The following TRPM7 variants were observed in gnomAD, a reference collection of about 807,000 sequenced individuals.
TRPM7 encodes the protein LTRPC ion channel family member 7.
A neutral mutation model predicts 229.7 loss-of-function variants in TRPM7; 134 were observed. The ratio of observed to expected loss-of-function variants is 0.58; its 90% CI spans 0.51 to 0.67. The LOEUF (loss-of-function observed/expected upper bound fraction) is 0.67, where lower values mean the gene tolerates loss of function less well. Among genes scored for constraint, TRPM7 ranks in the 30% least tolerant of loss-of-function variants. TRPM7 has a pLI of 0.00. For synonymous variants in TRPM7, 699 were observed against 715.2 expected (o/e 0.98, Z 0.36); for missense variants, 1,901 against 2,210.0 (o/e 0.86, Z 2.80).
intron 7 of TRPM7, among the ~76,000 whole-genome samples, chr15:50,636,324 G>A (rs1208944419): frequency 2.0e-5 from 3 of 151,862 alleles, no homozygotes; most frequent in Non-Finnish European, 4.4e-5. Flanking sequence ...CCAAGAAGCT[G>A]GGACTACAAG....
rs755129972 is a variant in TRPM7 at position 50,613,692 on chromosome 15, T to A, written c.1770+15A>T. Reference sequence around the variant, plus strand: ...AAATAAAAACCCAGAAAGAATAATATTTAAATAAATTTACCTTTGGTCGGT... The same window carrying A: ...AAATAAAAACCCAGAAAGAATAATAATTAAATAAATTTACCTTTGGTCGGT... On this transcript the variant is annotated intron_variant, in intron 15 of 38. Transcript: ENST00000646667. 6.0e-6 allele frequency: 9 copies of A among 1,510,018 alleles called. No homozygotes were observed. Among genetic ancestry groups the A allele is most frequent in the Non-Finnish European group, 7.9e-6 (9 of 1,134,338 alleles). 93.5% of individuals were successfully genotyped at this position (1,510,018 alleles called of 1,614,324 possible). A position where few individuals can be genotyped will look rare whatever the true frequency, so the allele number is the denominator to read the frequency against.
At chr15:50,615,364 G>T (rs2060196194) in intron 13 of TRPM7, among the ~76,000 whole-genome samples, 1 of 151,856 alleles carries the variant, frequency 6.6e-6, no homozygotes, top group African/African-American at 2.4e-5. Flanking sequence ...TTTTTATAGT[G>T]TTGTCCAGGA....
intron 19 of TRPM7, among the ~76,000 whole-genome samples, chr15:50,607,607 T>A (rs1348216146): frequency 6.6e-6 from 1 of 152,178 alleles, no homozygotes; most frequent in East Asian, 1.9e-4. Context: ...CAGGTTTATG[T>A]TCTCAGCATA....
At chr15:50,624,498 G>A (rs755687541) in intron 11 of TRPM7, among the ~76,000 whole-genome samples, 198 bp from the exon 12 acceptor site, 17 of 152,110 alleles carry the variant, frequency 1.1e-4, no homozygotes, top group Admixed American at 2.0e-4. Context: ...CTAGAACAAC[G>A]TTTCTTAAAG....
chr15:50,604,665 TC>T lies in TRPM7; in HGVS notation c.2988+200del, dbSNP rs1232390927. 29 of 467,338 alleles carry T rather than the reference TC, an allele frequency of 6.2e-5. No individual in the cohort carries two copies. The South Asian group carries it at 1.1e-3, about 18-fold the overall frequency. The allele number at this position is 467,338 out of a possible 1,614,324, so 28.9% of individuals were successfully genotyped here. ...ACCATAGATGGTATAGCTAACATTA[TC>T]TTGCAAAGCACTAAATGGGTATAGG... On this transcript the variant is annotated intron_variant, in intron 21 of 38. Coordinates refer to ENST00000646667, the MANE Select transcript of TRPM7 (RefSeq NM_017672.6).
Position 50,640,563 on chromosome 15 carries a change from G to A in TRPM7, c.536-1015C>T, listed in dbSNP as rs572040407. On this transcript the variant is annotated intron_variant, in intron 5 of 38. Transcript: ENST00000646667. ...AGCCTCCCAAAGTGCTGGGATTATA[G>A]GCATGAACCACCATGCCTGGCCCAT... 5.9e-5 allele frequency among the ~76,000 whole-genome samples: 9 copies of A among 151,494 alleles called. No individual in the cohort carries two copies. In the South Asian group the frequency reaches 1.9e-3, roughly 31 times the overall value.
intron 23 of TRPM7, among the ~76,000 whole-genome samples, chr15:50,595,655 GT>G (rs1238355253): frequency 6.6e-6 from 1 of 152,064 alleles, no homozygotes; most frequent in Non-Finnish European, 1.5e-5. Context: ...GAGGCCAGGA[GT>G]TTGAGTCCAG....
intron 31 of TRPM7, 91 bp downstream of exon 31, chr15:50,578,548 A>C (rs2054247191): frequency 3.7e-6 from 5 of 1,334,352 alleles, no homozygotes; most frequent in Non-Finnish European, 5.3e-6. Flanking sequence ...TTGAAGTCTA[A>C]AATATCTTAC....
intron 1 of TRPM7, among the ~76,000 whole-genome samples, chr15:50,681,834 G>C (rs1458299211): frequency 6.6e-6 from 1 of 152,112 alleles, no homozygotes; most frequent in Non-Finnish European, 1.5e-5. Flanking sequence ...TTGCTCCTTA[G>C]GTCAAGTAGG....
At chr15:50,571,687 T>C (rs1011925741) in intron 36 of TRPM7, among the ~76,000 whole-genome samples, 10 of 151,748 alleles carry the variant, frequency 6.6e-5, no homozygotes, top group Non-Finnish European at 1.2e-4. Flanking sequence ...TTCACAGAAG[T>C]AGAGAAATAA....
rs1005997644 is a variant in TRPM7 at position 50,681,259 on chromosome 15, A to G, written c.3+5272T>C. On this transcript the variant is annotated intron_variant, in intron 1 of 38. Transcript: ENST00000646667. ...GAGCAAGACTTCGTCTCAAAAATAA[A>G]TAAATACACACACACACACACACAC... Among the ~76,000 whole-genome samples the G allele has an allele frequency of 2.4e-4, 27 of 112,898 alleles. 1 individual carries two copies. The highest frequency in any genetic ancestry group is 2.2e-4 in the Admixed American group (2 of 9,230). 74.1% of individuals were successfully genotyped at this position (112,898 alleles called of 152,430 possible). A position where few individuals can be genotyped will look rare whatever the true frequency, so the allele number is the denominator to read the frequency against.
In TRPM7 at chr15:50,592,020, T is replaced by C. The variant is rs1235531386; in HGVS notation, c.4215A>G (p.Thr1405=). ...GGCTTTTGCAACTTGGCTGAGATGG[T>C]GTACTAACAAAAAATTTGGTTGGTG... ...SSPPTKFFVS[T]PSQPSCKSHL... Residue 1405 remains threonine (T), a synonymous_variant, in exon 26 of 39, where the codon ACA becomes ACG. Transcript: ENST00000646667. 6.2e-7 allele frequency: 1 copy of C among 1,613,406 alleles called. No homozygotes were observed.
At position 50,577,984 on chromosome 15, in the gene TRPM7, TTA is replaced by T. The variant is rs200626680; in HGVS notation, c.4618+653_4618+654del. Among the ~76,000 whole-genome samples the T allele has an allele frequency of 2.5e-3, 388 of 152,254 alleles. 6 individuals carry two copies. The highest frequency in any genetic ancestry group is 0.023 in the Admixed American group (354 of 15,282). On this transcript the variant is annotated intron_variant, in intron 31 of 38. Coordinates refer to ENST00000646667, the MANE Select transcript of TRPM7 (RefSeq NM_017672.6). ...AACAGTATATACTGTACAATTTCAT[TTA>T]TATAGCCAATATGCACATACATGCA...
intron 27 of TRPM7, among the ~76,000 whole-genome samples, chr15:50,587,757 G>A (rs1450834940): frequency 6.6e-6 from 1 of 152,124 alleles, no homozygotes; most frequent in South Asian, 2.1e-4. Context: ...AAAATGTGAT[G>A]AACTTAGGTT....
At chr15:50,676,632 C>T (rs1273117720) in intron 1 of TRPM7, among the ~76,000 whole-genome samples, 1 of 151,874 alleles carries the variant, frequency 6.6e-6, no homozygotes, top group African/African-American at 2.4e-5. Context: ...AAGCAGAAAC[C>T]AGACGGAGTC....
At chr15:50,594,288 T>C in intron 24 of TRPM7, 141 bp downstream of exon 24, 1 of 677,632 alleles carries the variant, frequency 1.5e-6, no homozygotes, top group Non-Finnish European at 2.4e-6. Context: ...TAAAAATTCC[T>C]TTATGTACAG....
Position 50,662,486 on chromosome 15 carries a change from T to C in TRPM7, c.83+481A>G, listed in dbSNP as rs558749140. Among the ~76,000 whole-genome samples, 130 of 152,316 alleles carry C rather than the reference T, an allele frequency of 8.5e-4. 1 individual carries two copies. Among genetic ancestry groups the C allele is most frequent in the South Asian group, 1.7e-3 (8 of 4,830 alleles). On this transcript the variant is annotated intron_variant, in intron 2 of 38. Coordinates refer to ENST00000646667, the MANE Select transcript of TRPM7 (RefSeq NM_017672.6). ...CAAAGACACAGACACCTATAGTCTCTGATAATAGATTTTCCAGTAAATAAT... is the reference window on the plus strand; with the variant it reads ...CAAAGACACAGACACCTATAGTCTCCGATAATAGATTTTCCAGTAAATAAT...
intron 1 of TRPM7, 80 bp downstream of exon 1, chr15:50,686,451 C>T: frequency 1.9e-6 from 3 of 1,611,836 alleles, no homozygotes; most frequent in Non-Finnish European, 2.5e-6. Context: ...CGGCTCCCCA[C>T]ACACTTGCCT....
In TRPM7 at chr15:50,607,208, C is replaced by T. The variant is rs1387289809; in HGVS notation, c.2701G>A (p.Val901Ile). ...AAAAACTAAAGACATACCTCACGGACTTTCTCAATGGCATAAGTAAAAATA... is the reference window on the plus strand; with the variant it reads ...AAAAACTAAAGACATACCTCACGGATTTTCTCAATGGCATAAGTAAAAATA... ...AYIFTYAIEK[V>I]REIFMSEAGK... Residue 901 changes from valine to isoleucine, a missense_variant, in exon 20 of 39, where the codon GTC (valine) becomes ATC (isoleucine). This residue lies in a region of TRPM7 where 207 missense variants were observed against 241.5 expected (regional missense o/e 0.86). Coordinates refer to ENST00000646667, the MANE Select transcript of TRPM7 (RefSeq NM_017672.6). The T allele has an allele frequency of 3.1e-6, 5 of 1,607,150 alleles. No individual in the cohort carries two copies. Among genetic ancestry groups the T allele is most frequent in the African/African-American group, 1.3e-5 (1 of 74,542 alleles).
Sources: gnomAD v4.1 joint callset for allele counts (sites outside exome capture counted in the v4.1 genomes callset) on GRCh38, gnomAD v4.1.1 for gene constraint, gnomAD v4.1.1 regional missense constraint, MANE v1.5 for transcripts, NCBI Gene and HGNC (gene_info 2026-07-23, HGNC 2026-07-21) for gene names.